The following DIP2C variants were observed in gnomAD, a reference collection of about 807,000 sequenced individuals.
DIP2C encodes DIP2 acetate--CoA ligase C (putative).
In DIP2C, 33 loss-of-function variants were observed where a neutral mutation model predicts 192.4. That is an observed-to-expected ratio of 0.17 (90% confidence interval 0.13 to 0.23). DIP2C has a LOEUF of 0.23. DIP2C is among the 10% of genes least tolerant of loss of function. The probability of loss-of-function intolerance (pLI) is 1.00; values close to 1 mark genes in which losing one functional copy is unlikely to be tolerated. For missense variants in DIP2C, 1,537 were observed against 2,110.1 expected, an observed-to-expected ratio of 0.73 and a Z score of 5.32; for synonymous variants, 979 against 864.1, an observed-to-expected ratio of 1.13 and a Z score of -2.33.
At chr10:548,519 G>GAGGGAGGCAGGC (rs1485015479) in intron 1 of DIP2C, among the ~76,000 whole-genome samples, 3 of 110,582 alleles carry the variant, frequency 2.7e-5, no homozygotes, top group African/African-American at 1.5e-4. Context: ...GGGAGGGAGG[G>GAGGGAGGCAGGC]AGGCAGGCAG....
At chr10:332,201 C>G (rs1338994323) in intron 29 of DIP2C, among the ~76,000 whole-genome samples, 3 of 152,170 alleles carry the variant, frequency 2.0e-5, no homozygotes, top group Non-Finnish European at 4.4e-5. Flanking sequence ...ATCCTCCTGC[C>G]TCGGACACCC....
chr10:414,751 ATATATAATGTG>A (rs1333621454), intron 7 of DIP2C, among the ~76,000 whole-genome samples: 7 of 134,848 alleles, frequency 5.2e-5, no homozygotes, highest in African/African-American at 8.3e-5. Context: ...ACATATATAT[ATATATAATGTG>A]TATATATATA....
intron 6 of DIP2C, 147 bp downstream of exon 6, chr10:418,918 C>G (rs1965983672): frequency 8.1e-7 from 1 of 1,237,248 alleles, no homozygotes. Context: ...AGGCCACCTT[C>G]CATGAGAGGC....
At chr10:583,208 C>G (rs1850776098) in intron 1 of DIP2C, among the ~76,000 whole-genome samples, 1 of 152,026 alleles carries the variant, frequency 6.6e-6, no homozygotes, top group African/African-American at 2.4e-5. Context: ...AGTGCATCTG[C>G]AAACGCAGTT....
intron 1 of DIP2C, among the ~76,000 whole-genome samples, chr10:556,617 C>A (rs1848888559): frequency 6.6e-6 from 1 of 151,784 alleles, no homozygotes; most frequent in Non-Finnish European, 1.5e-5. Context: ...ATGAAACAAA[C>A]CCCTTTCCCT....
intron 32 of DIP2C, among the ~76,000 whole-genome samples, chr10:309,210 G>A (rs111859817): frequency 2.0e-5 from 3 of 151,984 alleles, no homozygotes; most frequent in African/African-American, 4.8e-5. Context: ...CCTCCTTGGC[G>A]GGCAGAGATT....
rs1955116362 is a variant in DIP2C at position 286,209 on chromosome 10, G to A, written c.4119+64C>T. The A allele has an allele frequency of 1.1e-5, 17 of 1,514,836 alleles. 1 individual carries two copies. In the South Asian group the frequency reaches 1.8e-4, roughly 16 times the overall value. The allele number at this position is 1,514,836 out of a possible 1,614,324, so 93.8% of individuals were successfully genotyped here. On this transcript the variant is annotated intron_variant, in intron 34 of 36. Coordinates refer to ENST00000280886, the MANE Select transcript of DIP2C (RefSeq NM_014974.3). ...AGGGCATGTGAGCAGTTCTGATGGT[G>A]TCAAGGCAAGCCAAGGATACATAAC...
At chr10:459,944 C>A (rs1169165060) in intron 3 of DIP2C, among the ~76,000 whole-genome samples, 1 of 144,318 alleles carries the variant, frequency 6.9e-6, no homozygotes, top group African/African-American at 2.6e-5. Context: ...ACCTGCTGCA[C>A]GTGAGCTCTA....
At chr10:548,205 C>CCCA (rs1392773793) in intron 1 of DIP2C, among the ~76,000 whole-genome samples, 6 of 75,058 alleles carry the variant, frequency 8.0e-5, no homozygotes, top group African/African-American at 2.3e-4. Context: ...ACGAGTCTGC[C>CCCA]CCACCCCCCC....
At chr10:441,610 G>A (rs188793360) in intron 3 of DIP2C, among the ~76,000 whole-genome samples, 34 of 152,262 alleles carry the variant, frequency 2.2e-4, no homozygotes, top group South Asian at 1.2e-3. Context: ...AGAGGTTTCC[G>A]CTTTTGCTTC....
At chr10:451,948 CAGA>C (rs1968884203) in intron 3 of DIP2C, among the ~76,000 whole-genome samples, 1 of 152,124 alleles carries the variant, frequency 6.6e-6, no homozygotes, top group South Asian at 2.1e-4. Context: ...AAAACAGTAA[CAGA>C]AGAATACTTC....
chr10:375,416 G>C (rs10751933), intron 17 of DIP2C, among the ~76,000 whole-genome samples: 1 of 151,996 alleles, frequency 6.6e-6, no homozygotes, highest in South Asian at 2.1e-4. Context: ...ACAGAACTGT[G>C]AGCCAAAATA....
intron 1 of DIP2C, among the ~76,000 whole-genome samples, chr10:556,091 C>CTCCCA: frequency 7.2e-6 from 1 of 139,090 alleles, no homozygotes; most frequent in East Asian, 2.2e-4. Flanking sequence ...CACCCACCCC[C>CTCCCA]CCTTCCATAG....
In DIP2C at chr10:414,739, G is replaced by GTGTATATATATATATA; in HGVS notation, c.860-630_860-629insTATATATATATATACA. 1.9e-3 allele frequency among the ~76,000 whole-genome samples: 176 copies of GTGTATATATATATATA among 90,508 alleles called. 5 individuals carry two copies. Among genetic ancestry groups the GTGTATATATATATATA allele is most frequent in the African/African-American group, 5.3e-3 (117 of 22,218 alleles). The allele number at this position is 90,508 out of a possible 152,430, so 59.4% of individuals were successfully genotyped here. Reference sequence around the variant, plus strand: ...TGTGTGTGTGTGTGTGTGTGTGTGTGTACATATATATATATATAATGTGTA... The same window carrying GTGTATATATATATATA: ...TGTGTGTGTGTGTGTGTGTGTGTGTGTGTATATATATATATATACATATATATATATATAATGTGTA... On this transcript the variant is annotated intron_variant, in intron 7 of 36. Transcript: ENST00000280886.
rs866541273 is a variant in DIP2C at position 417,844 on chromosome 10, C to A, written c.739+1221G>T. The stretch of plus-strand genomic sequence containing the variant: ...GGCGCGGACAGGCCTCCCTGTCCAC[C>A]TGCACCTGTCAGAGCTCGGACAGGC... On this transcript the variant is annotated intron_variant, in intron 6 of 36. Transcript: ENST00000280886. 3.3e-5 allele frequency among the ~76,000 whole-genome samples: 3 copies of A among 90,110 alleles called. 1 individual carries two copies. The highest frequency in any genetic ancestry group is 5.9e-5 in the African/African-American group (1 of 16,874). 59.1% of individuals were successfully genotyped at this position (90,110 alleles called of 152,430 possible). A position where few individuals can be genotyped will look rare whatever the true frequency, so the allele number is the denominator to read the frequency against.
At chr10:445,775 A>ATC (rs1968135629) in intron 3 of DIP2C, among the ~76,000 whole-genome samples, 1 of 151,394 alleles carries the variant, frequency 6.6e-6, no homozygotes. Flanking sequence ...ACCACTGGGC[A>ATC]TCTCTATACA....
intron 3 of DIP2C, among the ~76,000 whole-genome samples, chr10:470,835 T>C (rs897252309): frequency 6.6e-6 from 1 of 152,148 alleles, no homozygotes; most frequent in Non-Finnish European, 1.5e-5. Context: ...TTTCCTCATC[T>C]ATAAAATGGA....
chr10:577,213 G>A (rs956860213), intron 1 of DIP2C, among the ~76,000 whole-genome samples: 23 of 152,170 alleles, frequency 1.5e-4, no homozygotes, highest in African/African-American at 4.8e-4. Flanking sequence ...ACATAGCACT[G>A]ACACATGGTA....
chr10:412,593 G>A (rs1031127535), intron 8 of DIP2C, among the ~76,000 whole-genome samples: 1 of 152,142 alleles, frequency 6.6e-6, no homozygotes, highest in Non-Finnish European at 1.5e-5. Flanking sequence ...CGAAACGCAC[G>A]CTCCCAAACC....
Sources: gnomAD v4.1 joint callset for allele counts (sites outside exome capture counted in the v4.1 genomes callset) on GRCh38, gnomAD v4.1.1 for gene constraint, MANE v1.5 for transcripts, NCBI Gene and HGNC (gene_info 2026-07-23, HGNC 2026-07-21) for gene names.